PIP4P2: variants seen among roughly 807,000 people sequenced by gnomAD.
The protein encoded by PIP4P2 is type 2 phosphatidylinositol 4,5-bisphosphate 4-phosphatase.
A neutral mutation model predicts 33.3 loss-of-function variants in PIP4P2; 19 were observed. The ratio of observed to expected loss-of-function variants is 0.57; its 90% CI spans 0.40 to 0.84. PIP4P2 has a LOEUF of 0.84. PIP4P2 is among the 40% of genes least tolerant of loss of function. PIP4P2 has a pLI of 0.00. For synonymous variants in PIP4P2, 110 were observed against 111.9 expected, an observed-to-expected ratio of 0.98 and a Z score of 0.11; for missense variants, 270 against 324.7, an observed-to-expected ratio of 0.83 and a Z score of 1.29.
In PIP4P2 at chr8:91,012,134, A is replaced by G. The variant is rs530837723; in HGVS notation, c.487-3339T>C. ...ATTTTCTTTTCTTTGACTCTAGAAA[A>G]CTCAGAGCTAAGATTCAGCCTGATT... On this transcript the variant is annotated intron_variant, in intron 4 of 6. Coordinates refer to ENST00000285419, the MANE Select transcript of PIP4P2 (RefSeq NM_018710.3). 1.9e-3 allele frequency among the ~76,000 whole-genome samples: 283 copies of G among 151,768 alleles called. 2 individuals carry two copies. Among genetic ancestry groups the G allele is most frequent in the African/African-American group, 6.3e-3 (260 of 41,414 alleles).
intron 1 of PIP4P2, among the ~76,000 whole-genome samples, chr8:91,024,746 T>C (rs1288181493): frequency 6.6e-6 from 1 of 152,192 alleles, no homozygotes; most frequent in East Asian, 1.9e-4. Flanking sequence ...ATCTAAACAA[T>C]GGTCATTTTT....
intron 6 of PIP4P2, 127 bp from the exon 7 acceptor site, chr8:90,995,947 A>C: frequency 9.5e-7 from 1 of 1,053,596 alleles, no homozygotes; most frequent in Non-Finnish European, 1.3e-6. Context: ...CAAAGTCCTT[A>C]TAAGAGTAGG....
chr8:91,021,092 G>C, intron 2 of PIP4P2, among the ~76,000 whole-genome samples, 164 bp downstream of exon 2: 1 of 152,160 alleles, frequency 6.6e-6, no homozygotes, highest in African/African-American at 2.4e-5. Context: ...AACACAGTGA[G>C]GTATCCTATG....
rs113782576 is a variant in PIP4P2 at position 90,995,437 on chromosome 8, T to C, written c.*240A>G. 15 of 302,072 alleles carry C rather than the reference T, an allele frequency of 5.0e-5. No individual in the cohort carries two copies. Among genetic ancestry groups the C allele is most frequent in the African/African-American group, 2.2e-4 (10 of 46,260 alleles). 18.7% of individuals were successfully genotyped at this position (302,072 alleles called of 1,614,324 possible). ...TTGGTAACAAATCCAAAAATATCTA[T>C]AAGAGATGTAAAAGAACATGAAAAG... On this transcript the variant is annotated 3_prime_UTR_variant, in exon 7 of 7. Coordinates refer to ENST00000285419, the MANE Select transcript of PIP4P2 (RefSeq NM_018710.3).
chr8:91,032,217 A>G (rs977704067), intron 1 of PIP4P2, among the ~76,000 whole-genome samples: 4 of 152,206 alleles, frequency 2.6e-5, no homozygotes, highest in South Asian at 2.1e-4. Flanking sequence ...AGAAAAAGGA[A>G]CCATGCTTTT....
chr8:91,019,790 T>C (rs764147147), intron 3 of PIP4P2, among the ~76,000 whole-genome samples: 1 of 152,126 alleles, frequency 6.6e-6, no homozygotes, highest in Non-Finnish European at 1.5e-5. Flanking sequence ...GGTCTCAAAC[T>C]ACCAGCTTCA....
intron 4 of PIP4P2, among the ~76,000 whole-genome samples, chr8:91,011,019 G>GAGATAGATAGATAGATAGAT (rs3084284): frequency 6.2e-5 from 9 of 145,356 alleles, no homozygotes; most frequent in South Asian, 2.2e-4. Context: ...GTATCTTACT[G>GAGATAGATAGATAGATAGAT]AGATAGATAG....
intron 4 of PIP4P2, among the ~76,000 whole-genome samples, chr8:91,017,579 A>G (rs1484019067): frequency 1.3e-5 from 2 of 152,088 alleles, no homozygotes. Context: ...AAAGTTCTTT[A>G]ATAAAAGTAA....
intron 2 of PIP4P2, among the ~76,000 whole-genome samples, chr8:91,020,478 T>C (rs1441790235): frequency 6.6e-6 from 1 of 152,208 alleles, no homozygotes; most frequent in Non-Finnish European, 1.5e-5. Flanking sequence ...TGGCTGACTT[T>C]TTTTAGTCTT....
intron 1 of PIP4P2, among the ~76,000 whole-genome samples, chr8:91,022,206 A>C (rs1441727676): frequency 6.6e-6 from 1 of 152,148 alleles, no homozygotes; most frequent in Non-Finnish European, 1.5e-5. Flanking sequence ...ACTGATGAAT[A>C]TAATGACATG....
chr8:91,021,743 C>T (rs1812011589), intron 1 of PIP4P2, among the ~76,000 whole-genome samples: 1 of 152,016 alleles, frequency 6.6e-6, no homozygotes, highest in East Asian at 1.9e-4. Flanking sequence ...TTTATGCCTA[C>T]AATAAAAATT....
chr8:91,034,248 A>T (rs1812206757), intron 1 of PIP4P2, among the ~76,000 whole-genome samples: 2 of 152,210 alleles, frequency 1.3e-5, no homozygotes, highest in Admixed American at 1.3e-4. Context: ...CAAATATTTG[A>T]AAGGATGACT....
intron 4 of PIP4P2, among the ~76,000 whole-genome samples, chr8:91,012,249 A>AT (rs1014214646): frequency 2.0e-5 from 3 of 151,274 alleles, no homozygotes; most frequent in Admixed American, 1.3e-4. Flanking sequence ...ATTTTTCCTG[A>AT]TTTTTTTTCA....
intron 1 of PIP4P2, among the ~76,000 whole-genome samples, chr8:91,039,389 G>A (rs565620982): frequency 5.8e-4 from 88 of 152,250 alleles, no homozygotes; most frequent in African/African-American, 2.0e-3. Flanking sequence ...ATTATTTACA[G>A]CTAAGCATCT....
In PIP4P2 at chr8:90,996,665, C is replaced by T. The variant is rs755360557; in HGVS notation, c.619G>A (p.Val207Ile). The T allele has an allele frequency of 1.3e-5, 21 of 1,608,074 alleles. No individual in the cohort carries two copies. Among genetic ancestry groups the T allele is most frequent in the Admixed American group, 8.4e-5 (5 of 59,380 alleles). The stretch of plus-strand genomic sequence containing the variant: ...AGTGTAACACTCACAGTTAACCCAA[C>T]TCCAATGAAAATACATATCATTCCA... ...TIGMICIFIG[V>I]GLTVGTPDFA... The change falls in exon 6 of 7, where the codon GTT (valine) becomes ATT (isoleucine). Residue 207 changes from valine (V) to isoleucine (I), a missense_variant. Val to Ile is a conservative substitution (Grantham distance 29). Coordinates refer to ENST00000285419, the MANE Select transcript of PIP4P2 (RefSeq NM_018710.3).
intron 1 of PIP4P2, among the ~76,000 whole-genome samples, chr8:91,032,188 C>A (rs1428445611): frequency 6.6e-6 from 1 of 152,174 alleles, no homozygotes; most frequent in Non-Finnish European, 1.5e-5. Flanking sequence ...ACAATACTTG[C>A]ACAATGCACC....
At chr8:91,018,703 A>G (rs1811955620) in intron 3 of PIP4P2, 190 bp from the exon 4 acceptor site, 2 of 678,066 alleles carry the variant, frequency 2.9e-6, no homozygotes, top group Admixed American at 2.9e-5. Flanking sequence ...ATGAGTCTGT[A>G]CTTGGGATAG....
intron 1 of PIP4P2, among the ~76,000 whole-genome samples, chr8:91,022,018 A>G (rs1468410553): frequency 6.6e-6 from 1 of 152,172 alleles, no homozygotes; most frequent in African/African-American, 2.4e-5. Flanking sequence ...ACAAAAATAA[A>G]GTAAATATAA....
intron 1 of PIP4P2, among the ~76,000 whole-genome samples, chr8:91,030,201 A>T (rs1474956841): frequency 7.1e-6 from 1 of 140,850 alleles, no homozygotes. Context: ...GCGACAGAGC[A>T]AGACTCCATC....
Sources: gnomAD v4.1 joint callset for allele counts (sites outside exome capture counted in the v4.1 genomes callset) on GRCh38, gnomAD v4.1.1 for gene constraint, MANE v1.5 for transcripts, NCBI Gene and HGNC (gene_info 2026-07-23, HGNC 2026-07-21) for gene names.